Variants in CELF1 observed in about 807,000 individuals in gnomAD.
CELF1 encodes the protein 50 kDa nuclear polyadenylated RNA-binding protein.
Under a neutral mutation model 61.8 loss-of-function variants are expected in CELF1, and 10 were observed. That is an observed-to-expected ratio of 0.16 (90% CI 0.10 to 0.27). The LOEUF (loss-of-function observed/expected upper bound fraction) is 0.27, where lower values mean the gene tolerates loss of function less well. Among genes scored for constraint, CELF1 ranks in the 10% least tolerant of loss-of-function variants. The probability of loss-of-function intolerance (pLI) is 1.00; values close to 1 mark genes in which losing one functional copy is unlikely to be tolerated. For missense variants in CELF1, 380 were observed against 639.1 expected (o/e 0.59, Z 4.37); for synonymous variants, 236 against 225.1 (o/e 1.05, Z -0.43).
At chr11:47,506,467 T>C (rs1345227185) in intron 1 of CELF1, among the ~76,000 whole-genome samples, 2 of 152,012 alleles carry the variant, frequency 1.3e-5, no homozygotes, top group Admixed American at 1.3e-4. Flanking sequence ...TTAAGAAAGT[T>C]GATAAATTTG....
intron 1 of CELF1, among the ~76,000 whole-genome samples, chr11:47,531,067 C>T (rs1029637355): frequency 6.6e-6 from 1 of 151,406 alleles, no homozygotes; most frequent in Non-Finnish European, 1.5e-5. Flanking sequence ...GCCAATTTGG[C>T]GAAACCCCGT....
chr11:47,551,278 T>C (rs1222799267), intron 1 of CELF1, among the ~76,000 whole-genome samples: 1 of 152,180 alleles, frequency 6.6e-6, no homozygotes, highest in Non-Finnish European at 1.5e-5. Context: ...CCAAAGGCCA[T>C]TCTTAATGGA....
chr11:47,561,046 G>A (rs1454633927), intron 2 of CELF1, among the ~76,000 whole-genome samples: 1 of 150,624 alleles, frequency 6.6e-6, no homozygotes, highest in Admixed American at 6.7e-5. Context: ...GCAGAGGCAG[G>A]AGAATGGCAT....
chr11:47,491,333 T>C (rs2091377159), intron 3 of CELF1, among the ~76,000 whole-genome samples: 1 of 152,074 alleles, frequency 6.6e-6, no homozygotes, highest in Non-Finnish European at 1.5e-5. Flanking sequence ...TGGCTAATTT[T>C]TGTATTTTTA....
In CELF1 at chr11:47,471,982, C is replaced by A. The variant is rs2077837172; in HGVS notation, c.*248G>T. The A allele has an allele frequency of 4.8e-6, 2 of 420,192 alleles. No individual in the cohort carries two copies. Among genetic ancestry groups the A allele is most frequent in the South Asian group, 1.1e-4 (2 of 17,970 alleles). 26.0% of individuals were successfully genotyped at this position (420,192 alleles called of 1,614,324 possible). A position where few individuals can be genotyped will look rare whatever the true frequency, so the allele number is the denominator to read the frequency against. On this transcript the variant is annotated 3_prime_UTR_variant, in exon 15 of 15. Transcript: ENST00000687097. ...GAAACAAAAACAAAAACAAAAAAAA[C>A]CTCAGGATATGGCACCTAAACTCCA...
At chr11:47,534,021 CCTTTTTTTT>C (rs1489958677) in intron 1 of CELF1, among the ~76,000 whole-genome samples, 3 of 98,472 alleles carry the variant, frequency 3.0e-5, no homozygotes, top group Admixed American at 1.1e-4. Flanking sequence ...TTTTTTCTTT[CCTTTTTTTT>C]TTTTTTTTTT....
chr11:47,529,758 T>C (rs979086899), intron 1 of CELF1, among the ~76,000 whole-genome samples: 38 of 151,506 alleles, frequency 2.5e-4, no homozygotes, highest in African/African-American at 8.3e-4. Context: ...GAGGTGGAGG[T>C]TGCAGTGATC....
At chr11:47,499,090 G>T (rs2093574203) in intron 3 of CELF1, among the ~76,000 whole-genome samples, 1 of 152,012 alleles carries the variant, frequency 6.6e-6, no homozygotes, top group Non-Finnish European at 1.5e-5. Flanking sequence ...CTTCCCAAAA[G>T]ATTATTTGAA....
chr11:47,505,220 C>T (rs1372188810), intron 1 of CELF1, among the ~76,000 whole-genome samples: 2 of 151,266 alleles, frequency 1.3e-5, no homozygotes, highest in Non-Finnish European at 3.0e-5. Flanking sequence ...TTGTGACCAC[C>T]CTTCCAATCA....
chr11:47,498,992 G>A (rs2093563247), intron 3 of CELF1, among the ~76,000 whole-genome samples: 1 of 152,104 alleles, frequency 6.6e-6, no homozygotes, highest in South Asian at 2.1e-4. Context: ...GAATGTTGTA[G>A]ATGATACTAA....
chr11:47,560,856 T>C (rs531541923), intron 2 of CELF1, among the ~76,000 whole-genome samples: 1 of 152,320 alleles, frequency 6.6e-6, no homozygotes, highest in African/African-American at 2.4e-5. Context: ...AAGTTTATTC[T>C]GGCTGGGCGC....
At chr11:47,496,577 TTA>T (rs2093136896) in intron 3 of CELF1, among the ~76,000 whole-genome samples, 1 of 152,072 alleles carries the variant, frequency 6.6e-6, no homozygotes, top group Non-Finnish European at 1.5e-5. Flanking sequence ...TGATTTTACT[TTA>T]TTTGGAGGAG....
At position 47,522,739 on chromosome 11, in the gene CELF1, T is replaced by C. The variant is rs539987721; in HGVS notation, c.-153-21807A>G. The stretch of plus-strand genomic sequence containing the variant: ...CTACTCAGAGGCTGAGGCAGGAGAA[T>C]TGCTTGAACCTGGGAGGTGGAGGCT... On this transcript the variant is annotated intron_variant, in intron 1 of 14. Coordinates refer to ENST00000687097, the MANE Select transcript of CELF1 (RefSeq NM_001376376.1). 6.6e-5 allele frequency among the ~76,000 whole-genome samples: 10 copies of C among 151,454 alleles called. 1 individual carries two copies. The highest frequency in any genetic ancestry group is 2.1e-4 in the South Asian group (1 of 4,784).
At chr11:47,550,211 A>G (rs1038919462) in intron 1 of CELF1, among the ~76,000 whole-genome samples, 5 of 151,954 alleles carry the variant, frequency 3.3e-5, no homozygotes, top group Non-Finnish European at 5.9e-5. Context: ...CAAAACAGTG[A>G]CACCCTGTCT....
rs1565698750 is a variant in CELF1, at chr11:47,465,967, C to A, written c.*6263G>T. ...CTCAAACAGTTTAATAGCAAATAAA[C>A]AAAGGAAGGTACCACACTTGGCAGA... is the stretch of plus-strand genomic sequence containing the variant. On this transcript the variant is annotated 3_prime_UTR_variant, in exon 15 of 15. Coordinates refer to ENST00000687097, the MANE Select transcript of CELF1 (RefSeq NM_001376376.1). 6.6e-6 allele frequency: 1 copy of A among 152,110 alleles called. No individual in the cohort carries two copies. The highest frequency in any genetic ancestry group is 1.5e-5 in the Non-Finnish European group (1 of 68,022). 9.4% of individuals were successfully genotyped at this position (152,110 alleles called of 1,614,324 possible).
At position 47,478,815 on chromosome 11, in the gene CELF1, T is replaced by A. The variant is rs146511502; in HGVS notation, c.844+62A>T. 133 of 1,326,454 alleles carry A rather than the reference T, an allele frequency of 1.0e-4. No homozygotes were observed. The African/African-American group carries it at 1.8e-3, about 18-fold the overall frequency. The allele number at this position is 1,326,454 out of a possible 1,614,324, so 82.2% of individuals were successfully genotyped here. Reference sequence around the variant, plus strand: ...AGAAACGATGCCAAACTCCCAAGACTGTTGTTAGCTGGGTCTGCTGGCCTG... The same window carrying A: ...AGAAACGATGCCAAACTCCCAAGACAGTTGTTAGCTGGGTCTGCTGGCCTG... On this transcript the variant is annotated intron_variant, in intron 10 of 14. Transcript: ENST00000687097.
intron 2 of CELF1, among the ~76,000 whole-genome samples, chr11:47,500,635 G>A (rs1273920961): frequency 6.6e-6 from 1 of 152,116 alleles, no homozygotes; most frequent in African/African-American, 2.4e-5. Context: ...ATAAAACCAA[G>A]ACTAGTGAGT....
intron 1 of CELF1, among the ~76,000 whole-genome samples, chr11:47,521,589 T>C (rs2095888928): frequency 6.6e-6 from 1 of 152,260 alleles, no homozygotes; most frequent in Admixed American, 6.5e-5. Context: ...AAACAGTATC[T>C]ACCTTACAGG....
chr11:47,521,989 C>A (rs2095927976), intron 1 of CELF1, among the ~76,000 whole-genome samples: 1 of 151,856 alleles, frequency 6.6e-6, no homozygotes. Context: ...CAGCTCATCA[C>A]AACCTCCATC....
Sources: gnomAD v4.1 joint callset for allele counts (sites outside exome capture counted in the v4.1 genomes callset) on GRCh38, gnomAD v4.1.1 for gene constraint, MANE v1.5 for transcripts, NCBI Gene and HGNC (gene_info 2026-07-23, HGNC 2026-07-21) for gene names.